PDE4D: variants seen among roughly 807,000 people sequenced by gnomAD.
PDE4D encodes the protein 3',5'-cyclic-AMP phosphodiesterase 4D.
PDE4D carries 24 observed loss-of-function variants against 87.4 expected under a neutral mutation model. The ratio of observed to expected loss-of-function variants is 0.27; its 90% CI spans 0.20 to 0.39. PDE4D has a LOEUF of 0.39. Ranked by LOEUF, PDE4D falls within the 10% of genes least tolerant of loss-of-function variation. The probability of loss-of-function intolerance (pLI) is 1.00; values close to 1 mark genes in which losing one functional copy is unlikely to be tolerated. For missense variants in PDE4D, 714 were observed against 1,041.0 expected, an observed-to-expected ratio of 0.69 and a Z score of 4.32; for synonymous variants, 384 against 383.2, an observed-to-expected ratio of 1.00 and a Z score of -0.02.
intron 1 of PDE4D, among the ~76,000 whole-genome samples, chr5:60,517,750 G>C (rs749690696): frequency 1.3e-5 from 2 of 152,210 alleles, no homozygotes; most frequent in African/African-American, 4.8e-5. Flanking sequence ...GCTCAATAAA[G>C]TTCCTCTCTG....
At chr5:59,979,447 T>C (rs961049817) in intron 3 of PDE4D, among the ~76,000 whole-genome samples, 3 of 151,876 alleles carry the variant, frequency 2.0e-5, no homozygotes, top group African/African-American at 7.3e-5. Flanking sequence ...TGTGTGTTTA[T>C]GATAACATTT....
chr5:60,063,134 G>GAAA (rs1365578548), intron 2 of PDE4D, among the ~76,000 whole-genome samples: 1 of 142,124 alleles, frequency 7.0e-6, no homozygotes, highest in Non-Finnish European at 1.5e-5. Flanking sequence ...AAGAAAGAAA[G>GAAA]AAAGAAAGAA....
At chr5:59,928,145 G>A (rs532027207) in intron 3 of PDE4D, among the ~76,000 whole-genome samples, 1 of 152,240 alleles carries the variant, frequency 6.6e-6, no homozygotes, top group African/African-American at 2.4e-5. Context: ...GCCAGTCTAG[G>A]CCCCGAGTTC....
intron 1 of PDE4D, among the ~76,000 whole-genome samples, chr5:59,445,841 T>G (rs1443616989): frequency 2.0e-5 from 3 of 152,202 alleles, no homozygotes; most frequent in African/African-American, 7.2e-5. Context: ...ATATAATTTC[T>G]TTTTGATGGC....
chr5:60,507,981 C>T (rs942186827), intron 1 of PDE4D, among the ~76,000 whole-genome samples: 1 of 152,168 alleles, frequency 6.6e-6, no homozygotes, highest in African/African-American at 2.4e-5. Flanking sequence ...GCGCATAGAG[C>T]CTGTATGGTT....
At chr5:60,080,011 T>C (rs1353879783) in intron 2 of PDE4D, among the ~76,000 whole-genome samples, 4 of 152,250 alleles carry the variant, frequency 2.6e-5, no homozygotes, top group African/African-American at 9.6e-5. Flanking sequence ...TCCATGAGGA[T>C]GAAATGTTTT....
intron 5 of PDE4D, among the ~76,000 whole-genome samples, chr5:59,168,473 A>C (rs1242338496): frequency 1.3e-5 from 2 of 152,176 alleles, no homozygotes; most frequent in Non-Finnish European, 2.9e-5. Context: ...TCAGGAAGAG[A>C]AGTGTGGGAA....
At chr5:60,144,560 G>A (rs1369579308) in intron 2 of PDE4D, among the ~76,000 whole-genome samples, 1 of 152,128 alleles carries the variant, frequency 6.6e-6, no homozygotes, top group East Asian at 1.9e-4. Flanking sequence ...TTTTTTTCCA[G>A]CCTGGCTCTG....
chr5:60,314,932 T>A (rs968952404), intron 1 of PDE4D, among the ~76,000 whole-genome samples: 1 of 152,204 alleles, frequency 6.6e-6, no homozygotes, highest in Non-Finnish European at 1.5e-5. Flanking sequence ...TTGTGAATAG[T>A]GCCTCAATAA....
At chr5:59,180,950 C>G (rs1581227659) in intron 4 of PDE4D, among the ~76,000 whole-genome samples, 1 of 152,182 alleles carries the variant, frequency 6.6e-6, no homozygotes, top group East Asian at 1.9e-4. Context: ...TTCGCTGAAG[C>G]CAGAGCTTAT....
chr5:59,952,776 G>A (rs547283246), intron 3 of PDE4D, among the ~76,000 whole-genome samples: 1 of 152,288 alleles, frequency 6.6e-6, no homozygotes, highest in African/African-American at 2.4e-5. Context: ...GAGATGAACT[G>A]AAGTCTCTAG....
chr5:59,512,570 C>T (rs1018673920), intron 1 of PDE4D, among the ~76,000 whole-genome samples: 1 of 152,064 alleles, frequency 6.6e-6, no homozygotes, highest in African/African-American at 2.4e-5. Flanking sequence ...GAATGTTTAA[C>T]CCCATTGAAC....
At chr5:59,762,423 C>CAT (rs756559425) in intron 1 of PDE4D, among the ~76,000 whole-genome samples, 4 of 96,622 alleles carry the variant, frequency 4.1e-5, no homozygotes, top group African/African-American at 9.1e-5. Flanking sequence ...TATGGGTACA[C>CAT]ATGTGTATAT....
At chr5:59,949,667 T>C (rs966740488) in intron 3 of PDE4D, among the ~76,000 whole-genome samples, 2 of 152,194 alleles carry the variant, frequency 1.3e-5, no homozygotes, top group South Asian at 2.1e-4. Context: ...AGTACAGATA[T>C]GTTACTATCA....
In PDE4D at chr5:60,102,986, A is replaced by G. The variant is rs180881575; in HGVS notation, c.42+82571T>C. The stretch of plus-strand genomic sequence containing the variant: ...ACTAAAGAAGAAATGACAAAAAAAA[A>G]AAAACAGAAAACAGAAAAAACACCC... On this transcript the variant is annotated intron_variant, in intron 2 of 16. Transcript: ENST00000502484. Among the ~76,000 whole-genome samples, 112 of 152,140 alleles carry G rather than the reference A, an allele frequency of 7.4e-4. 1 individual carries two copies. Among genetic ancestry groups the G allele is most frequent in the Admixed American group, 7.0e-3 (107 of 15,288 alleles).
intron 1 of PDE4D, among the ~76,000 whole-genome samples, chr5:59,873,464 G>C (rs1418338494): frequency 1.3e-5 from 2 of 152,208 alleles, no homozygotes; most frequent in Non-Finnish European, 2.9e-5. Context: ...CAGAAGCTTG[G>C]ATTGAGCCAA....
intron 3 of PDE4D, among the ~76,000 whole-genome samples, chr5:59,972,226 C>T (rs894654199): frequency 1.3e-5 from 2 of 152,202 alleles, no homozygotes; most frequent in Non-Finnish European, 2.9e-5. Flanking sequence ...TATTCCTACT[C>T]CCCTAGTGGA....
intron 1 of PDE4D, among the ~76,000 whole-genome samples, chr5:60,271,778 T>C (rs1750838486): frequency 6.6e-6 from 1 of 152,178 alleles, no homozygotes; most frequent in African/African-American, 2.4e-5. Context: ...AAGCCATACT[T>C]TTCCATATAA....
chr5:60,268,888 A>C (rs1750519237), intron 1 of PDE4D, among the ~76,000 whole-genome samples: 1 of 152,226 alleles, frequency 6.6e-6, no homozygotes, highest in Non-Finnish European at 1.5e-5. Context: ...CATTAGAGGA[A>C]GTTTTTCTGA....
Sources: allele counts gnomAD v4.1 joint callset (sites outside exome capture counted in the v4.1 genomes callset), GRCh38; gene constraint gnomAD v4.1.1; transcripts MANE v1.5; gene names NCBI Gene and HGNC (gene_info 2026-07-23, HGNC 2026-07-21).